Variants in DHX37 observed in about 807,000 individuals in gnomAD.
DHX37 encodes DEAH-box helicase 37.
In DHX37, 52 loss-of-function variants were observed where a neutral mutation model predicts 134.3. That is an observed-to-expected ratio of 0.39 (90% confidence interval 0.31 to 0.49). The LOEUF (loss-of-function observed/expected upper bound fraction) is 0.49, where lower values mean the gene tolerates loss of function less well. Ranked by LOEUF, DHX37 falls within the 20% of genes least tolerant of loss-of-function variation. The pLI, the probability that DHX37 is intolerant of heterozygous loss-of-function variation, is 0.93. For synonymous variants in DHX37, 634 were observed against 670.7 expected (o/e 0.95, Z 0.85); for missense variants, 1,344 against 1,580.8 (o/e 0.85, Z 2.54).
At chr12:124,966,291 C>T (rs1173263108) in intron 12 of DHX37, among the ~76,000 whole-genome samples, 3 of 152,210 alleles carry the variant, frequency 2.0e-5, no homozygotes, top group African/African-American at 4.8e-5. Flanking sequence ...TGGACTTGAA[C>T]TCCTGACCTC....
intron 21 of DHX37, among the ~76,000 whole-genome samples, chr12:124,951,069 G>A (rs1005977404): frequency 1.3e-5 from 2 of 152,142 alleles, no homozygotes; most frequent in African/African-American, 4.8e-5. Context: ...TCAAGAGTTC[G>A]AGACCAGCCT....
intron 15 of DHX37, among the ~76,000 whole-genome samples, chr12:124,961,084 A>G (rs1954230192): frequency 1.3e-5 from 2 of 151,710 alleles, no homozygotes; most frequent in South Asian, 4.2e-4. Context: ...TCTACTTTTT[A>G]ACTAACATGT....
chr12:124,956,902 C>A, intron 17 of DHX37, 23 bp from the exon 18 acceptor site: 1 of 1,570,340 alleles, frequency 6.4e-7, no homozygotes, highest in Non-Finnish European at 8.7e-7. Context: ...GTGGTGGTGG[C>A]AGTGCTCTGA....
intron 20 of DHX37, chr12:124,953,030 G>A (rs1041883543): frequency 2.0e-5 from 3 of 152,684 alleles, no homozygotes; most frequent in Admixed American, 1.3e-4. Flanking sequence ...GTGACCTTAG[G>A]ATGGAAGGCA....
intron 11 of DHX37, 43 bp from the exon 12 acceptor site, chr12:124,966,921 C>A: frequency 6.2e-7 from 1 of 1,612,256 alleles, no homozygotes; most frequent in Non-Finnish European, 8.5e-7. Context: ...CTGTGGCCGG[C>A]GTGGTCGCCA....
At position 124,972,533 on chromosome 12, in the gene DHX37, C is replaced by A. The variant is rs758652225; in HGVS notation, c.1047G>T (p.Thr349=). ...VTEETRIKFM[T]DGVLLKEIQK... ...GGATTTCTTTAAGCAGCACACCATC[C>A]GTCATGAACTTGATTCTGGTCTCCT... is the stretch of plus-strand genomic sequence containing the variant. The change falls in exon 7 of 27, where the codon ACG becomes ACT. Residue 349 remains threonine, a synonymous_variant. Coordinates refer to ENST00000308736, the MANE Select transcript of DHX37 (RefSeq NM_032656.4). 1.1e-5 allele frequency: 18 copies of A among 1,614,210 alleles called. No homozygotes were observed. Among genetic ancestry groups the A allele is most frequent in the Non-Finnish European group, 1.5e-5 (18 of 1,180,034 alleles).
At chr12:124,960,110 CT>C (rs1269124319) in intron 16 of DHX37, among the ~76,000 whole-genome samples, 1 of 152,232 alleles carries the variant, frequency 6.6e-6, no homozygotes, top group African/African-American at 2.4e-5. Context: ...CAGCCATCCC[CT>C]GGGTGTCCAC....
chr12:124,968,991 A>G, intron 8 of DHX37, 23 bp from the exon 9 acceptor site: 1 of 1,610,010 alleles, frequency 6.2e-7, no homozygotes, highest in African/African-American at 1.3e-5. Context: ...AGGCTCAGTG[A>G]CCGTGGCCCC....
At chr12:124,971,518 C>CAGCTGCTCTTCATCAGAGGTG in intron 7 of DHX37, 103 bp from the exon 8 acceptor site, 1 of 1,511,752 alleles carries the variant, frequency 6.6e-7, no homozygotes, top group Non-Finnish European at 8.9e-7. Context: ...AGAGGAAGGG[C>CAGCTGCTCTTCATCAGAGGTG]AGCTGCTCTT....
chr12:124,974,810 C>G (rs928465095), intron 6 of DHX37, among the ~76,000 whole-genome samples: 2 of 149,664 alleles, frequency 1.3e-5, no homozygotes, highest in African/African-American at 4.9e-5. Flanking sequence ...GAGTTTCACT[C>G]TTGTTGCCCA....
chr12:124,976,305 A>C (rs553010216), intron 5 of DHX37, among the ~76,000 whole-genome samples: 8 of 152,366 alleles, frequency 5.3e-5, no homozygotes, highest in Non-Finnish European at 1.0e-4. Flanking sequence ...AGCCATGTGC[A>C]GGATAACATG....
At chr12:124,979,029 G>A (rs553853750) in intron 4 of DHX37, among the ~76,000 whole-genome samples, 3 of 152,106 alleles carry the variant, frequency 2.0e-5, no homozygotes, top group South Asian at 4.2e-4. Context: ...CTGCACATGC[G>A]CTCATAGGAG....
At position 124,980,985 on chromosome 12, in the gene DHX37, A is replaced by G; in HGVS notation, c.390-147T>C. The G allele has an allele frequency of 1.2e-6, 1 of 824,708 alleles. No individual in the cohort carries two copies. The highest frequency in any genetic ancestry group is 1.8e-6 in the Non-Finnish European group (1 of 547,230). 51.1% of individuals were successfully genotyped at this position (824,708 alleles called of 1,614,324 possible). On this transcript the variant is annotated intron_variant, in intron 3 of 26. Coordinates refer to ENST00000308736, the MANE Select transcript of DHX37 (RefSeq NM_032656.4). The surrounding 1 kb of genome is among the most constrained non-coding windows in gnomAD (Gnocchi z 5.3). ...GCCCTTCCTGCAGATACCTCCTCTC[A>G]CTCCACTTAAGCCTCTGCTTAAGCA...
chr12:124,948,380 T>A, intron 25 of DHX37, 199 bp from the exon 26 acceptor site: 1 of 962,956 alleles, frequency 1.0e-6, no homozygotes, highest in Non-Finnish European at 1.5e-6. Flanking sequence ...AGCCTGGGAG[T>A]TGGAGGCTGC....
chr12:124,973,814 T>G (rs1049781144), intron 6 of DHX37, among the ~76,000 whole-genome samples: 2 of 152,160 alleles, frequency 1.3e-5, no homozygotes, highest in East Asian at 3.9e-4. Flanking sequence ...CTAATTTTTT[T>G]GTATTTTTAG....
At chr12:124,960,249 C>T in intron 16 of DHX37, 63 bp downstream of exon 16, 3 of 1,570,306 alleles carry the variant, frequency 1.9e-6, no homozygotes, top group East Asian at 2.3e-5. Flanking sequence ...GGGCTCCCTG[C>T]CTCAGGGAAA....
chr12:124,965,755 C>T lies in DHX37; in HGVS notation c.1648G>A (p.Glu550Lys). Reference sequence around the variant, plus strand: ...TCATCCACTTCTGCCTCCCTGTCCTCATCGCCTTCGCCTGCCGGTAACACC... The same window carrying T: ...TCATCCACTTCTGCCTCCCTGTCCTTATCGCCTTCGCCTGCCGGTAACACC... ...YSVLPAGEGD[E>K]DREAEVDEEE... The change falls in exon 13 of 27, where the codon GAG becomes AAG. Residue 550 changes from glutamate (E) to lysine (K), a missense_variant. Around this residue, in one of 7 missense-constraint regions of DHX37, gnomAD observed 289 missense variants for 323.8 expected, o/e 0.89. Transcript: ENST00000308736. 6.2e-7 allele frequency: 1 copy of T among 1,613,920 alleles called. No individual in the cohort carries two copies. The highest frequency in any genetic ancestry group is 1.1e-5 in the South Asian group (1 of 91,034).
intron 1 of DHX37, among the ~76,000 whole-genome samples, chr12:124,987,987 C>CTTTTTTTT (rs11349687): frequency 2.5e-5 from 2 of 79,694 alleles, no homozygotes; most frequent in African/African-American, 5.9e-5. Context: ...GTCTGTGGAA[C>CTTTTTTTT]TTTTTTTTTT....
chr12:124,965,297 T>A (rs1026709568), intron 13 of DHX37, among the ~76,000 whole-genome samples: 2 of 152,194 alleles, frequency 1.3e-5, no homozygotes, highest in African/African-American at 4.8e-5. Flanking sequence ...ACTCCTCGTG[T>A]CCTGGCAGCA....
Sources: gnomAD v4.1 joint callset for allele counts (sites outside exome capture counted in the v4.1 genomes callset) on GRCh38, gnomAD v4.1.1 for gene constraint, gnomAD v4.1.1 regional missense constraint, Gnocchi (gnomAD v3.1) non-coding constraint, MANE v1.5 for transcripts, NCBI Gene and HGNC (gene_info 2026-07-23, HGNC 2026-07-21) for gene names.